The following DAB1 variants were observed in gnomAD, a reference collection of about 807,000 sequenced individuals.
DAB1 encodes disabled homolog 1.
DAB1 carries 15 observed loss-of-function variants against 64.6 expected under a neutral mutation model. That is an observed-to-expected ratio of 0.23 (90% CI 0.16 to 0.36). The LOEUF is 0.36. DAB1 is among the 10% of genes least tolerant of loss of function. The probability of loss-of-function intolerance (pLI) is 1.00; values close to 1 mark genes in which losing one functional copy is unlikely to be tolerated. For synonymous variants in DAB1, 235 were observed against 251.9 expected (o/e 0.93, Z 0.64); for missense variants, 596 against 706.7 (o/e 0.84, Z 1.78).
intron 1 of DAB1, among the ~76,000 whole-genome samples, chr1:57,865,359 G>T (rs564709146): frequency 2.0e-5 from 3 of 152,188 alleles, no homozygotes; most frequent in Admixed American, 6.5e-5. Flanking sequence ...ACTTTTTGGT[G>T]GATAATTAGC....
At chr1:58,032,640 A>T (rs1321897091) in intron 5 of DAB1, among the ~76,000 whole-genome samples, 1 of 152,230 alleles carries the variant, frequency 6.6e-6, no homozygotes, top group Non-Finnish European at 1.5e-5. Context: ...CAGAGAGGTT[A>T]AAGTGCAAAG....
intron 4 of DAB1, among the ~76,000 whole-genome samples, chr1:57,072,674 C>G (rs1490504720): frequency 6.6e-6 from 1 of 152,192 alleles, no homozygotes; most frequent in Non-Finnish European, 1.5e-5. Context: ...CTTTATTCAG[C>G]TTGCTAGAGC....
intron 4 of DAB1, among the ~76,000 whole-genome samples, chr1:57,119,550 G>A (rs1379351102): frequency 6.6e-6 from 1 of 152,070 alleles, no homozygotes; most frequent in Non-Finnish European, 1.5e-5. Context: ...AACGTATAAT[G>A]CATCTTTCTT....
chr1:58,397,533 T>G (rs955554131), intron 3 of DAB1, among the ~76,000 whole-genome samples: 1 of 152,204 alleles, frequency 6.6e-6, no homozygotes, highest in Non-Finnish European at 1.5e-5. Flanking sequence ...GAAACCAGGT[T>G]GAAGGCCACG....
chr1:58,017,169 G>A (rs774404473), intron 5 of DAB1, among the ~76,000 whole-genome samples: 11 of 151,936 alleles, frequency 7.2e-5, no homozygotes, highest in Non-Finnish European at 1.6e-4. Context: ...TCTGGACCAC[G>A]TTGTCACTTT....
intron 4 of DAB1, chr1:58,150,688 T>C (rs1222959194): frequency 6.6e-6 from 1 of 151,874 alleles, no homozygotes; most frequent in Non-Finnish European, 1.5e-5. Flanking sequence ...AGACCATAGT[T>C]TTTTGGTTTT....
chr1:58,397,603 C>T (rs1236798268), intron 3 of DAB1, among the ~76,000 whole-genome samples: 4 of 152,234 alleles, frequency 2.6e-5, no homozygotes, highest in African/African-American at 9.6e-5. Flanking sequence ...GATCCTCTCA[C>T]AGGAGCCACT....
At chr1:58,040,533 T>C (rs985449879) in intron 5 of DAB1, among the ~76,000 whole-genome samples, 1 of 152,242 alleles carries the variant, frequency 6.6e-6, no homozygotes, top group Admixed American at 6.5e-5. Flanking sequence ...CTGTAATTTC[T>C]ACCAGTACAG....
intron 7 of DAB1, among the ~76,000 whole-genome samples, chr1:57,477,546 C>T (rs185889410): frequency 2.6e-5 from 4 of 152,122 alleles, no homozygotes; most frequent in African/African-American, 4.8e-5. Context: ...GATTATGCTG[C>T]GTATTGTGCT....
chr1:57,469,776 G>A (rs1273657690), intron 7 of DAB1, among the ~76,000 whole-genome samples: 1 of 152,090 alleles, frequency 6.6e-6, no homozygotes, highest in Non-Finnish European at 1.5e-5. Flanking sequence ...TATCTTCTAT[G>A]AGTTATTTTG....
chr1:57,397,543 G>A (rs910403177), intron 1 of DAB1, among the ~76,000 whole-genome samples: 1 of 152,166 alleles, frequency 6.6e-6, no homozygotes, highest in Admixed American at 6.5e-5. Context: ...TGGGCTCTGA[G>A]GAAAGGAGCT....
intron 6 of DAB1, among the ~76,000 whole-genome samples, chr1:57,650,654 T>C (rs757474674): frequency 6.1e-4 from 93 of 152,224 alleles, no homozygotes; most frequent in Non-Finnish European, 9.7e-4. Context: ...TTTTCTCTTG[T>C]TTCTTTATGC....
chr1:58,096,367 A>G (rs1167676964), intron 5 of DAB1, among the ~76,000 whole-genome samples: 1 of 152,240 alleles, frequency 6.6e-6, no homozygotes, highest in Non-Finnish European at 1.5e-5. Context: ...GTAGGTATAA[A>G]TTGATCATAA....
At chr1:58,136,579 T>C (rs904602908) in intron 5 of DAB1, among the ~76,000 whole-genome samples, 8 of 152,208 alleles carry the variant, frequency 5.3e-5, no homozygotes, top group African/African-American at 1.4e-4. Flanking sequence ...CATTTCCTAC[T>C]TTGTTGGTGA....
At chr1:57,382,845 A>G (rs924926368) in intron 1 of DAB1, among the ~76,000 whole-genome samples, 1 of 152,160 alleles carries the variant, frequency 6.6e-6, no homozygotes, top group Non-Finnish European at 1.5e-5. Flanking sequence ...ACATCTTCAT[A>G]GGTTCCGAGG....
intron 3 of DAB1, among the ~76,000 whole-genome samples, chr1:58,349,430 TC>T (rs1644030408): frequency 8.0e-6 from 1 of 125,742 alleles, no homozygotes; most frequent in African/African-American, 2.9e-5. Context: ...TTGACTTGGC[TC>T]CTTTTATTAT....
At chr1:58,528,398 G>C (rs1646383810) in intron 1 of DAB1, among the ~76,000 whole-genome samples, 1 of 152,166 alleles carries the variant, frequency 6.6e-6, no homozygotes, top group South Asian at 2.1e-4. Flanking sequence ...CTGCAGAGGG[G>C]ATTAAATGAA....
chr1:57,976,777 G>A lies in DAB1; in HGVS notation n.388-92615C>T, dbSNP rs566062500. 5.3e-4 allele frequency among the ~76,000 whole-genome samples: 81 copies of A among 152,292 alleles called. No individual in the cohort carries two copies. In the South Asian group the frequency reaches 0.015, roughly 29 times the overall value. ...CCAAGCAAGGAAATAAGTAATCTGT[G>A]AAGATGTAAAATGGGTGCCATCCCT... On this transcript the variant is annotated intron_variant and non_coding_transcript_variant, in intron 5 of 20. Coordinates refer to the DAB1 transcript ENST00000485760.
intron 1 of DAB1, among the ~76,000 whole-genome samples, chr1:58,532,370 A>G (rs901661103): frequency 1.3e-5 from 2 of 152,238 alleles, no homozygotes; most frequent in Non-Finnish European, 2.9e-5. Context: ...TAGATGCCTA[A>G]AAAACAAATG....
Sources: gnomAD v4.1 joint callset for allele counts (sites outside exome capture counted in the v4.1 genomes callset) on GRCh38, gnomAD v4.1.1 for gene constraint, MANE v1.5 for transcripts, NCBI Gene and HGNC (gene_info 2026-07-23, HGNC 2026-07-21) for gene names.